Variants in AK9 observed in about 807,000 individuals in gnomAD.
AK9 encodes the protein adenylate kinase domain containing 1.
A neutral mutation model predicts 239.6 loss-of-function variants in AK9; 191 were observed. That is an observed-to-expected ratio of 0.80 (90% CI 0.71 to 0.90). The LOEUF is 0.90. Ranked by LOEUF, AK9 falls within the 40% of genes least tolerant of loss-of-function variation. The pLI is 0.00. For synonymous variants in AK9, 689 were observed against 721.0 expected (o/e 0.96, Z 0.71); for missense variants, 1,995 against 2,214.7 (o/e 0.90, Z 1.99).
chr6:109,686,042 T>C (rs1361986562), intron 1 of AK9, among the ~76,000 whole-genome samples: 1 of 152,186 alleles, frequency 6.6e-6, no homozygotes, highest in Non-Finnish European at 1.5e-5. Flanking sequence ...TCTGGCAATG[T>C]GTGCATCCTT....
Position 109,635,023 on chromosome 6 carries a change from C to T in AK9, c.934-1700G>A, listed in dbSNP as rs185686133. ...TTGATATTACAGGCTTAAAAATGAT[C>T]AGGACTGGCTTCTGGTTAAACAAAG... On this transcript the variant is annotated intron_variant, in intron 10 of 40. Transcript: ENST00000424296. Among the ~76,000 whole-genome samples, 16 of 152,210 alleles carry T rather than the reference C, an allele frequency of 1.1e-4. No homozygotes were observed. In the East Asian group the frequency reaches 2.9e-3, roughly 28 times the overall value.
intron 8 of AK9, among the ~76,000 whole-genome samples, chr6:109,648,576 C>A (rs541939362): frequency 2.0e-5 from 3 of 152,102 alleles, no homozygotes; most frequent in Non-Finnish European, 4.4e-5. Context: ...CAATAACAGG[C>A]TCTGAAATTG....
chr6:109,586,997 G>A (rs1562453187), intron 17 of AK9, among the ~76,000 whole-genome samples: 1 of 151,718 alleles, frequency 6.6e-6, no homozygotes, highest in East Asian at 1.9e-4. Flanking sequence ...TTTTTTAGAC[G>A]AGGTCTTGCT....
chr6:109,649,766 G>C (rs1267759514), intron 8 of AK9, among the ~76,000 whole-genome samples: 1 of 152,054 alleles, frequency 6.6e-6, no homozygotes, highest in African/African-American at 2.4e-5. Context: ...AAAAAGAGCT[G>C]GCATCGCCAA....
chr6:109,668,727 T>C lies in AK9; in HGVS notation c.331+3192A>G, dbSNP rs1215618157. Among the ~76,000 whole-genome samples the C allele has an allele frequency of 8.9e-5, 8 of 90,388 alleles. 3 individuals are homozygous for C. The highest frequency in any genetic ancestry group is 5.6e-4 in the Admixed American group (4 of 7,080). The allele number at this position is 90,388 out of a possible 152,430, so 59.3% of individuals were successfully genotyped here. On this transcript the variant is annotated intron_variant, in intron 5 of 40. Coordinates refer to ENST00000424296, the MANE Select transcript of AK9 (RefSeq NM_001145128.3). ...AGTTGTAGATCTGCGGCATTATTTC[T>C]GAGGCCTCTGTTCTGTTCCATTGGT...
chr6:109,532,277 T>C (rs1323367279), intron 28 of AK9, among the ~76,000 whole-genome samples: 2 of 152,230 alleles, frequency 1.3e-5, no homozygotes, highest in Admixed American at 1.3e-4. Context: ...GAATGAAATA[T>C]ACTTTCCCTG....
At chr6:109,639,440 TA>T (rs1797124859) in intron 10 of AK9, among the ~76,000 whole-genome samples, 1 of 152,244 alleles carries the variant, frequency 6.6e-6, no homozygotes, top group African/African-American at 2.4e-5. Flanking sequence ...GTTGGCTGCA[TA>T]AATGTCTTCT....
At chr6:109,666,216 G>A (rs1433709792) in intron 5 of AK9, among the ~76,000 whole-genome samples, 1 of 152,102 alleles carries the variant, frequency 6.6e-6, no homozygotes, top group South Asian at 2.1e-4. Context: ...AGACAATTAT[G>A]TCATCTAAGT....
In AK9 at chr6:109,589,352, T is replaced by C. The variant is rs541094779; in HGVS notation, c.1843-3280A>G. Among the ~76,000 whole-genome samples, 13 of 152,326 alleles carry C rather than the reference T, an allele frequency of 8.5e-5. No individual in the cohort carries two copies. The South Asian group carries it at 2.7e-3, about 32-fold the overall frequency. ...TTTTCATAGCCATTATAAATGGGAT[T>C]GAGTTCTTGATTTTGTTCTCAGCTT... is the stretch of plus-strand genomic sequence containing the variant. On this transcript the variant is annotated intron_variant, in intron 17 of 40. Coordinates refer to ENST00000424296, the MANE Select transcript of AK9 (RefSeq NM_001145128.3).
chr6:109,664,651 C>T (rs1800916072), intron 5 of AK9, among the ~76,000 whole-genome samples: 1 of 151,854 alleles, frequency 6.6e-6, no homozygotes. Flanking sequence ...TCTCGATCTC[C>T]CGATCTCGTG....
intron 15 of AK9, among the ~76,000 whole-genome samples, chr6:109,612,332 C>G (rs1329788512): frequency 6.6e-6 from 1 of 152,070 alleles, no homozygotes; most frequent in African/African-American, 2.4e-5. Context: ...TAGAAAAAAA[C>G]AATCAACAGT....
At chr6:109,690,244 C>G (rs1774142762) in intron 1 of AK9, among the ~76,000 whole-genome samples, 1 of 152,196 alleles carries the variant, frequency 6.6e-6, no homozygotes, top group African/African-American at 2.4e-5. Context: ...AGCTGCCTCT[C>G]CCCTACATCT....
At chr6:109,585,848 C>G in intron 18 of AK9, 68 bp downstream of exon 18, 1 of 1,422,342 alleles carries the variant, frequency 7.0e-7, no homozygotes, top group Admixed American at 2.3e-5. Flanking sequence ...GTTGTCCGTT[C>G]TATATTTAAC....
intron 17 of AK9, among the ~76,000 whole-genome samples, chr6:109,600,508 A>T (rs1399013658): frequency 2.6e-5 from 4 of 152,136 alleles, no homozygotes. Flanking sequence ...TTTTGCATCG[A>T]TGTTCATCAG....
intron 24 of AK9, 44 bp from the exon 25 acceptor site, chr6:109,550,346 G>T: frequency 6.6e-7 from 1 of 1,519,842 alleles, no homozygotes; most frequent in South Asian, 1.2e-5. Context: ...AACTAAAAAA[G>T]TATTTTGATG....
intron 12 of AK9, among the ~76,000 whole-genome samples, chr6:109,622,085 G>T: frequency 6.9e-6 from 1 of 144,064 alleles, no homozygotes; most frequent in Non-Finnish European, 1.5e-5. Context: ...CTATATATGT[G>T]TATTATATAT....
chr6:109,535,532 A>C (rs1252934808), intron 27 of AK9, among the ~76,000 whole-genome samples: 2 of 152,194 alleles, frequency 1.3e-5, no homozygotes, highest in African/African-American at 4.8e-5. Flanking sequence ...GTAGATTGGA[A>C]AAATTTTCTC....
At chr6:109,662,160 G>T (rs946367029) in intron 6 of AK9, among the ~76,000 whole-genome samples, 26 of 152,156 alleles carry the variant, frequency 1.7e-4, no homozygotes, top group African/African-American at 6.0e-4. Context: ...ATATAGTAAG[G>T]TGAGTAACAT....
intron 19 of AK9, among the ~76,000 whole-genome samples, chr6:109,584,367 A>C (rs1445694393): frequency 6.6e-6 from 1 of 152,116 alleles, no homozygotes; most frequent in African/African-American, 2.4e-5. Context: ...AATAGTAGGA[A>C]GTTCCATGGA....
Sources: gnomAD v4.1 joint callset for allele counts (sites outside exome capture counted in the v4.1 genomes callset) on GRCh38, gnomAD v4.1.1 for gene constraint, MANE v1.5 for transcripts, NCBI Gene and HGNC (gene_info 2026-07-23, HGNC 2026-07-21) for gene names.